The following P3H2 variants were observed in gnomAD, a reference collection of about 807,000 sequenced individuals.
P3H2 encodes leprecan-like 1.
In P3H2, 80 loss-of-function variants were observed where a neutral mutation model predicts 87.0. The observed-to-expected ratio is 0.92, with a 90% CI of 0.77 to 1.11. The LOEUF (loss-of-function observed/expected upper bound fraction) is 1.11. P3H2 is among the 50% of genes least tolerant of loss of function. The pLI is 0.00. For missense variants in P3H2, 1,001 were observed against 923.9 expected (o/e 1.08, Z -1.08); for synonymous variants, 367 against 359.3 (o/e 1.02, Z -0.24).
intron 1 of P3H2, among the ~76,000 whole-genome samples, chr3:190,104,698 G>A (rs1353065047): frequency 2.6e-5 from 3 of 115,090 alleles, no homozygotes; most frequent in Admixed American, 7.9e-5. Context: ...TCCTAGCACG[G>A]ATGTCCTGAT....
At chr3:190,095,843 T>C (rs373623745) in intron 1 of P3H2, among the ~76,000 whole-genome samples, 16 of 151,916 alleles carry the variant, frequency 1.1e-4, no homozygotes, top group Admixed American at 2.6e-4. Context: ...ACCTCGTGAT[T>C]CGCCCACCTC....
chr3:190,080,298 T>A (rs914925378), intron 1 of P3H2, among the ~76,000 whole-genome samples: 2 of 152,226 alleles, frequency 1.3e-5, no homozygotes, highest in Admixed American at 1.3e-4. Context: ...GGCTTTAGTG[T>A]ATGAAGGACC....
At chr3:189,999,196 C>G (rs1397883682) in intron 1 of P3H2, among the ~76,000 whole-genome samples, 1 of 152,216 alleles carries the variant, frequency 6.6e-6, no homozygotes, top group Non-Finnish European at 1.5e-5. Flanking sequence ...CAGTCAATGT[C>G]AACAAACTGG....
intron 1 of P3H2, among the ~76,000 whole-genome samples, chr3:190,068,230 A>G (rs576221775): frequency 6.6e-6 from 1 of 152,184 alleles, no homozygotes; most frequent in Non-Finnish European, 1.5e-5. Context: ...ATTTGAAAGG[A>G]CCTTCAAAAT....
chr3:189,998,451 T>TC (rs1724114442), intron 1 of P3H2, among the ~76,000 whole-genome samples: 1 of 152,210 alleles, frequency 6.6e-6, no homozygotes, highest in African/African-American at 2.4e-5. Context: ...CAAGCTTAAA[T>TC]CCTGCCTTCT....
intron 1 of P3H2, among the ~76,000 whole-genome samples, chr3:190,064,781 G>C (rs1276142077): frequency 6.6e-6 from 1 of 152,090 alleles, no homozygotes; most frequent in East Asian, 1.9e-4. Flanking sequence ...AAATTAACAT[G>C]CTGTCTTAAG....
chr3:190,025,031 A>G (rs1725045443), intron 1 of P3H2, among the ~76,000 whole-genome samples: 2 of 152,200 alleles, frequency 1.3e-5, no homozygotes, highest in African/African-American at 2.4e-5. Flanking sequence ...GGAACTATAC[A>G]AGTGGCACTC....
At chr3:190,111,649 T>C (rs1156833835) in intron 1 of P3H2, among the ~76,000 whole-genome samples, 1 of 152,224 alleles carries the variant, frequency 6.6e-6, no homozygotes, top group African/African-American at 2.4e-5. Context: ...CATTGGCCCC[T>C]CTAGAATAAA....
chr3:190,118,979 C>G (rs964788750), intron 1 of P3H2, among the ~76,000 whole-genome samples: 1 of 151,452 alleles, frequency 6.6e-6, no homozygotes, highest in East Asian at 1.9e-4. Context: ...GTGGTGCACA[C>G]CTGTAATCCC....
At chr3:189,988,278 AAT>A (rs1217899531) in intron 4 of P3H2, among the ~76,000 whole-genome samples, 4 of 152,212 alleles carry the variant, frequency 2.6e-5, no homozygotes, top group African/African-American at 4.8e-5. Context: ...TCATTATAGA[AAT>A]ATTTAGCTAT....
intron 13 of P3H2, among the ~76,000 whole-genome samples, chr3:189,966,183 GAA>G (rs1430681842): frequency 7.7e-6 from 1 of 129,836 alleles, no homozygotes; most frequent in African/African-American, 2.7e-5. Flanking sequence ...AAGAAAGAAA[GAA>G]AGAAAGAAAA....
At chr3:190,046,439 T>C (rs1725807369) in intron 1 of P3H2, among the ~76,000 whole-genome samples, 1 of 152,208 alleles carries the variant, frequency 6.6e-6, no homozygotes, top group Non-Finnish European at 1.5e-5. Flanking sequence ...TACTCAGGTA[T>C]AATGCTGCCA....
chr3:190,007,965 C>CACATATATATAT, intron 1 of P3H2, among the ~76,000 whole-genome samples: 1 of 94,346 alleles, frequency 1.1e-5, no homozygotes, highest in African/African-American at 3.9e-5. Context: ...TGTTGACACA[C>CACATATATATAT]ATATATATAT....
intron 1 of P3H2, among the ~76,000 whole-genome samples, chr3:190,086,344 T>G (rs1253490658): frequency 6.6e-6 from 1 of 152,152 alleles, no homozygotes; most frequent in African/African-American, 2.4e-5. Flanking sequence ...AAGAAACAGA[T>G]ACTTACAAAA....
At chr3:190,012,702 T>A (rs1389825107) in intron 1 of P3H2, among the ~76,000 whole-genome samples, 2 of 152,178 alleles carry the variant, frequency 1.3e-5, no homozygotes, top group African/African-American at 4.8e-5. Context: ...CTAAATCCCA[T>A]ATGATCCCAT....
At chr3:189,974,908 G>C (rs1723302750) in intron 8 of P3H2, among the ~76,000 whole-genome samples, 1 of 152,136 alleles carries the variant, frequency 6.6e-6, no homozygotes, top group Non-Finnish European at 1.5e-5. Context: ...AATGTTACAT[G>C]CGTACATTAT....
intron 1 of P3H2, among the ~76,000 whole-genome samples, chr3:190,003,810 G>A (rs1724294847): frequency 6.6e-6 from 1 of 152,214 alleles, no homozygotes. Context: ...TGTTTGTCCA[G>A]CACTCTCCCT....
chr3:190,062,439 G>C (rs1369814545), intron 1 of P3H2, among the ~76,000 whole-genome samples: 1 of 152,088 alleles, frequency 6.6e-6, no homozygotes, highest in Non-Finnish European at 1.5e-5. Flanking sequence ...AATTCAAATT[G>C]AATAAAGAAA....
chr3:190,082,129 G>A (rs1027878321), intron 1 of P3H2, among the ~76,000 whole-genome samples: 2 of 152,080 alleles, frequency 1.3e-5, no homozygotes, highest in African/African-American at 4.8e-5. Flanking sequence ...GGTGGTGAGT[G>A]TCTGTAATCC....
Sources: gnomAD v4.1 joint callset for allele counts (sites outside exome capture counted in the v4.1 genomes callset) on GRCh38, gnomAD v4.1.1 for gene constraint, MANE v1.5 for transcripts, NCBI Gene and HGNC (gene_info 2026-07-23, HGNC 2026-07-21) for gene names.